PLXNB2: variants seen among roughly 807,000 people sequenced by gnomAD.
The protein encoded by PLXNB2 is plexin B2.
Under a neutral mutation model 202.6 loss-of-function variants are expected in PLXNB2, and 85 were observed. The ratio of observed to expected loss-of-function variants is 0.42; its 90% CI spans 0.35 to 0.50. The LOEUF (loss-of-function observed/expected upper bound fraction) is 0.50, where lower values mean the gene tolerates loss of function less well. Ranked by LOEUF, PLXNB2 falls within the 20% of genes least tolerant of loss-of-function variation. PLXNB2 has a pLI of 0.02. For missense variants in PLXNB2, 2,063 were observed against 2,586.2 expected, an observed-to-expected ratio of 0.80 and a Z score of 4.39; for synonymous variants, 1,239 against 1,137.6, an observed-to-expected ratio of 1.09 and a Z score of -1.79.
intron 1 of PLXNB2, among the ~76,000 whole-genome samples, chr22:50,305,783 C>T (rs1569187357): frequency 6.6e-6 from 1 of 152,174 alleles, no homozygotes; most frequent in Admixed American, 6.5e-5. Flanking sequence ...ACCATTGAGA[C>T]TTCTCGGGGC....
At chr22:50,305,786 C>A (rs947317066) in intron 1 of PLXNB2, among the ~76,000 whole-genome samples, 1 of 152,166 alleles carries the variant, frequency 6.6e-6, no homozygotes, top group African/African-American at 2.4e-5. Context: ...ATTGAGACTT[C>A]TCGGGGCGAG....
At chr22:50,280,176 C>G in intron 25 of PLXNB2, 105 bp from the exon 26 acceptor site, 1 of 924,106 alleles carries the variant, frequency 1.1e-6, no homozygotes, top group South Asian at 1.6e-5. Context: ...TCGCCCCTGT[C>G]CAGCCTGGGT....
At position 50,285,978 on chromosome 22, in the gene PLXNB2, G is replaced by A. The variant is rs767578810; in HGVS notation, c.1986+12C>T. ...GCCCTGAACAGTCCCCTGAGGCCCC[G>A]AGGCCCCTCACCATGTGGGCACGGA... On this transcript the variant is annotated intron_variant, in intron 10 of 36. Coordinates refer to ENST00000359337, the MANE Select transcript of PLXNB2 (RefSeq NM_012401.4). 4.3e-5 allele frequency: 69 copies of A among 1,609,660 alleles called. No homozygotes were observed. Among genetic ancestry groups the A allele is most frequent in the South Asian group, 6.6e-5 (6 of 90,998 alleles).
In PLXNB2 at chr22:50,284,309, C is replaced by T. The variant is rs571804024; in HGVS notation, c.2182-96G>A. On this transcript the variant is annotated intron_variant, in intron 12 of 36. Transcript: ENST00000359337. This position sits in a 1 kb window ranked among gnomAD's most constrained non-coding sequence, Gnocchi z 8.0. ...CAGCCTCCCTGTGGCCACCGGGTCC[C>T]TTCCCAGCCAAGGGCAGCAGGGGAG... 4.5e-5 allele frequency: 54 copies of T among 1,205,870 alleles called. No homozygotes were observed. The East Asian group carries it at 1.2e-3, about 27-fold the overall frequency. 74.7% of individuals were successfully genotyped at this position (1,205,870 alleles called of 1,614,324 possible). A position where few individuals can be genotyped will look rare whatever the true frequency, so the allele number is the denominator to read the frequency against.
In PLXNB2 at chr22:50,292,337, CAAAAAAAAAA is replaced by C. The variant is rs533891085; in HGVS notation, c.-13-1750_-13-1741del. Among the ~76,000 whole-genome samples, 4 of 71,026 alleles carry C rather than the reference CAAAAAAAAAA, an allele frequency of 5.6e-5. No individual in the cohort carries two copies. The South Asian group carries it at 2.0e-3, about 36-fold the overall frequency. 46.6% of individuals were successfully genotyped at this position (71,026 alleles called of 152,430 possible). On this transcript the variant is annotated intron_variant, in intron 2 of 36. Transcript: ENST00000359337. ...TGGGTGACAGAGCGAGACTCTGTCT[CAAAAAAAAAA>C]AAAAAAAAAAAAAGTTTTAAGTGTA...
In PLXNB2 at chr22:50,281,165, T is replaced by C. The variant is rs780908642; in HGVS notation, c.3687A>G (p.Arg1229=). Residue 1229 remains arginine, a synonymous_variant, in exon 23 of 37, where the codon CGA becomes CGG. Transcript: ENST00000359337. ...GCTGGGACTTGATCTTCTCATACTC[T>C]CGTTCGGCCTGCTGGCTCTTCCTCC... ...CYWRKSQQAE[R]EYEKIKSQLE... 6.2e-7 allele frequency: 1 copy of C among 1,612,976 alleles called. No individual in the cohort carries two copies. The highest frequency in any genetic ancestry group is 1.3e-5 in the African/African-American group (1 of 75,032).
At chr22:50,307,220 A>ACCATCT (rs922733371) in intron 1 of PLXNB2, among the ~76,000 whole-genome samples, 3 of 152,006 alleles carry the variant, frequency 2.0e-5, no homozygotes, top group African/African-American at 7.2e-5. Context: ...GCACCGCGAG[A>ACCATCT]CCATCTCCGC....
Position 50,284,758 on chromosome 22 carries a change from T to C in PLXNB2, c.2089-93A>G. The C allele has an allele frequency of 1.0e-6, 1 of 953,400 alleles. No individual in the cohort carries two copies. The highest frequency in any genetic ancestry group is 1.7e-6 in the Non-Finnish European group (1 of 581,462). The allele number at this position is 953,400 out of a possible 1,614,324, so 59.1% of individuals were successfully genotyped here. On this transcript the variant is annotated intron_variant, in intron 11 of 36. Transcript: ENST00000359337. The surrounding 1 kb of genome is among the most constrained non-coding windows in gnomAD (Gnocchi z 8.0). ...TGCAGCCCCTCCTCTGTGCCTACAG[T>C]GTGGGAGCCCTCTCCTCACCCCACA...
At position 50,276,626 on chromosome 22, in the gene PLXNB2, T is replaced by C. The variant is rs113194311; in HGVS notation, c.5337+3A>G. On this transcript the variant is annotated splice_donor_region_variant and intron_variant, in intron 35 of 36. Transcript: ENST00000359337. ...GTGGGTGCGTCCCTGGTGGTCTCCT[T>C]ACCCGGGAAATCTCTGCCAGGTGTG... 9 of 1,611,800 alleles carry C rather than the reference T, an allele frequency of 5.6e-6. No individual in the cohort carries two copies. The highest frequency in any genetic ancestry group is 6.8e-6 in the Non-Finnish European group (8 of 1,178,060).
At position 50,289,428 on chromosome 22, in the gene PLXNB2, C is replaced by G; in HGVS notation, c.1068+89G>C. 1 of 1,451,782 alleles carries G rather than the reference C, an allele frequency of 6.9e-7. No individual in the cohort carries two copies. Among genetic ancestry groups the G allele is most frequent in the Non-Finnish European group, 9.2e-7 (1 of 1,092,600 alleles). The allele number at this position is 1,451,782 out of a possible 1,614,324, so 89.9% of individuals were successfully genotyped here. On this transcript the variant is annotated intron_variant, in intron 3 of 36. Transcript: ENST00000359337. The surrounding 1 kb of genome is among the most constrained non-coding windows in gnomAD (Gnocchi z 8.0). ...GCGAGAGCCACGGCCACACTGCTCA[C>G]GTGCACCCTCCCCAGCAGGCTGGGA...
intron 33 of PLXNB2, 33 bp from the exon 34 acceptor site, chr22:50,276,939 A>C (rs1208986924): frequency 6.5e-7 from 1 of 1,532,976 alleles, no homozygotes; most frequent in Non-Finnish European, 8.9e-7. Flanking sequence ...ATGCCTGGCC[A>C]AGGGGGCCAG....
At chr22:50,276,522 C>G in intron 35 of PLXNB2, 107 bp downstream of exon 35, 1 of 982,952 alleles carries the variant, frequency 1.0e-6, no homozygotes, top group Non-Finnish European at 1.6e-6. Context: ...CCCACCCTCT[C>G]TCCCCCTCAG....
At chr22:50,298,825 C>T (rs1015558487) in intron 1 of PLXNB2, among the ~76,000 whole-genome samples, 2 of 152,204 alleles carry the variant, frequency 1.3e-5, no homozygotes, top group African/African-American at 2.4e-5. Context: ...TTCTGTATTT[C>T]AGTAGAGATG....
chr22:50,302,394 G>A (rs1392676943), intron 1 of PLXNB2, among the ~76,000 whole-genome samples: 1 of 152,156 alleles, frequency 6.6e-6, no homozygotes, highest in Non-Finnish European at 1.5e-5. Context: ...GGAGGTGGGT[G>A]CCCCTGGAGG....
chr22:50,299,851 CA>C (rs2067560161), intron 1 of PLXNB2, among the ~76,000 whole-genome samples: 1 of 152,152 alleles, frequency 6.6e-6, no homozygotes, highest in Non-Finnish European at 1.5e-5. Context: ...CAAAGGCGGG[CA>C]CCCGGCCTGT....
rs949477569 is a variant in PLXNB2 at position 50,297,350 on chromosome 22, G to C, written c.-73-2572C>G. On this transcript the variant is annotated intron_variant, in intron 1 of 36. Transcript: ENST00000359337. This position sits in a 1 kb window ranked among gnomAD's most constrained non-coding sequence, Gnocchi z 5.3. Reference sequence around the variant, plus strand: ...TGTCCCGCCCATCCCGCACGCCCTCGAACAACCTCCCCTGAGTGATCGATC... The same window carrying C: ...TGTCCCGCCCATCCCGCACGCCCTCCAACAACCTCCCCTGAGTGATCGATC... Among the ~76,000 whole-genome samples the C allele has an allele frequency of 6.6e-6, 1 of 152,076 alleles. No individual in the cohort carries two copies. Among genetic ancestry groups the C allele is most frequent in the Non-Finnish European group, 1.5e-5 (1 of 68,014 alleles).
chr22:50,283,400 A>AC lies in PLXNB2; in HGVS notation c.2615dup (p.Val873CysfsTer66), dbSNP rs2066165173. On this transcript the variant is annotated frameshift_variant, in exon 16 of 37. Transcript: ENST00000359337. LOFTEE classifies it high-confidence loss of function. Reference sequence around the variant, plus strand: ...GTTTCCCGAAGACGTCCACCTCGACACCCCCCGTGAAAGGCGTCTCCGCAG... The same window carrying AC: ...GTTTCCCGAAGACGTCCACCTCGACACCCCCCCGTGAAAGGCGTCTCCGCAG... 3 of 1,612,576 alleles carry AC rather than the reference A, an allele frequency of 1.9e-6. No individual in the cohort carries two copies.
chr22:50,293,823 G>C (rs571302775), intron 2 of PLXNB2, among the ~76,000 whole-genome samples: 3 of 152,324 alleles, frequency 2.0e-5, no homozygotes, highest in African/African-American at 4.8e-5. Context: ...AGGGGCCCCG[G>C]TACAGGAAGA....
intron 32 of PLXNB2, 55 bp from the exon 33 acceptor site, chr22:50,277,793 G>T (rs1477795365): frequency 6.2e-7 from 1 of 1,600,974 alleles, no homozygotes; most frequent in African/African-American, 1.3e-5. Flanking sequence ...GGTGGGTGTG[G>T]AGCCTCCCAA....
Sources: allele counts gnomAD v4.1 joint callset (sites outside exome capture counted in the v4.1 genomes callset), GRCh38; gene constraint gnomAD v4.1.1; non-coding constraint Gnocchi (gnomAD v3.1); transcripts MANE v1.5; gene names NCBI Gene and HGNC (gene_info 2026-07-23, HGNC 2026-07-21).